The following ANK2 variants were observed in gnomAD, a reference collection of about 807,000 sequenced individuals.
The protein encoded by ANK2 is ankyrin-2.
In ANK2, 83 loss-of-function variants were observed where a neutral mutation model predicts 360.5. That is an observed-to-expected ratio of 0.23 (90% CI 0.19 to 0.28). ANK2 has a LOEUF of 0.28. ANK2 is among the 10% of genes least tolerant of loss of function. ANK2 has a pLI of 1.00. For missense variants in ANK2, 4,201 were observed against 4,795.7 expected (o/e 0.88, Z 3.66); for synonymous variants, 1,740 against 1,759.5 (o/e 0.99, Z 0.28).
intron 1 of ANK2, among the ~76,000 whole-genome samples, chr4:113,142,102 C>T (rs548379279): frequency 1.3e-5 from 2 of 152,280 alleles, no homozygotes; most frequent in African/African-American, 4.8e-5. Context: ...ACAGTGGTGA[C>T]ATTGTTCTGC....
chr4:113,058,376 T>C (rs1221757941), intron 1 of ANK2, among the ~76,000 whole-genome samples: 1 of 152,154 alleles, frequency 6.6e-6, no homozygotes, highest in South Asian at 2.1e-4. Context: ...TGTAATAATA[T>C]AATGGTTACT....
intron 11 of ANK2, among the ~76,000 whole-genome samples, chr4:113,256,259 T>A (rs183515329): frequency 6.6e-6 from 1 of 152,282 alleles, no homozygotes; most frequent in Admixed American, 6.5e-5. Context: ...CAAAATAAAT[T>A]CTAGATACCT....
At position 113,237,616 on chromosome 4, in the gene ANK2, A is replaced by G. The variant is rs1424943376; in HGVS notation, c.687A>G (p.Thr229=). The change falls in exon 7 of 46, where the codon ACA becomes ACG. Residue 229 remains threonine, a synonymous_variant. Transcript: ENST00000357077. ...DVQSKMMVNR[T]TESGFTPLHI... ...TGCTTCAGATGATGGTGAATAGGAC[A>G]ACTGAGGTACAGTATTGTGGTTATA... 6.2e-7 allele frequency: 1 copy of G among 1,609,648 alleles called. No individual in the cohort carries two copies. The highest frequency in any genetic ancestry group is 2.2e-5 in the East Asian group (1 of 44,810).
chr4:113,143,608 C>T (rs2096723206), intron 1 of ANK2, among the ~76,000 whole-genome samples: 1 of 152,108 alleles, frequency 6.6e-6, no homozygotes, highest in African/African-American at 2.4e-5. Context: ...GAGTGCATCT[C>T]TTTCAATAGC....
At chr4:112,753,113 A>G in the ANK2 span, among the ~76,000 whole-genome samples, 1 of 152,206 alleles carries the variant, frequency 6.6e-6, no homozygotes, top group African/African-American at 2.4e-5. Context: ...CTCGAGCCTC[A>G]GGCCATTTCC....
chr4:112,883,562 G>A (rs569239177), intron 1 of ANK2, among the ~76,000 whole-genome samples: 50 of 152,142 alleles, frequency 3.3e-4, no homozygotes, highest in Admixed American at 1.6e-3. Context: ...AAACTGTAAC[G>A]AGATTAGAAA....
At chr4:112,817,422 A>G (rs2149487479), upstream of ANK2, among the ~76,000 whole-genome samples, 1 of 152,250 alleles carries the variant, frequency 6.6e-6, no homozygotes, top group African/African-American at 2.4e-5. Context: ...GCCTGAATGG[A>G]TGGTTCTGAC....
chr4:112,946,468 G>A (rs1363081028), intron 2 of ANK2, among the ~76,000 whole-genome samples: 1 of 152,154 alleles, frequency 6.6e-6, no homozygotes, highest in Non-Finnish European at 1.5e-5. Context: ...GACAGCTAAC[G>A]GATCTTTAAA....
At chr4:113,143,581 C>A (rs2096721961) in intron 1 of ANK2, among the ~76,000 whole-genome samples, 1 of 152,054 alleles carries the variant, frequency 6.6e-6, no homozygotes, top group African/African-American at 2.4e-5. Context: ...ACACTAATTC[C>A]AAAAGTGTGC....
intron 1 of ANK2, among the ~76,000 whole-genome samples, chr4:113,092,193 C>G (rs2088636558): frequency 6.6e-6 from 1 of 151,992 alleles, no homozygotes; most frequent in South Asian, 2.1e-4. Context: ...TACGGTGAGA[C>G]TATTTGGATT....
intron 4 of ANK2, among the ~76,000 whole-genome samples, chr4:113,222,741 C>T (rs1047522536): frequency 1.3e-5 from 2 of 152,112 alleles, no homozygotes; most frequent in African/African-American, 4.8e-5. Context: ...AACTTAACCT[C>T]CCCAGAAAGA....
intron 4 of ANK2, among the ~76,000 whole-genome samples, chr4:113,203,436 CAAA>C (rs35032155): frequency 2.7e-5 from 4 of 145,994 alleles, no homozygotes; most frequent in Non-Finnish European, 4.5e-5. Context: ...TCTCTGATTG[CAAA>C]AAAAAAAAAA....
At chr4:113,239,333 G>A (rs1228185508) in intron 7 of ANK2, among the ~76,000 whole-genome samples, 1 of 152,012 alleles carries the variant, frequency 6.6e-6, no homozygotes, top group East Asian at 1.9e-4. Context: ...CTTATTTAGG[G>A]TGTTTTTAAA....
At chr4:112,969,558 G>A (rs769981663) in intron 2 of ANK2, among the ~76,000 whole-genome samples, 6 of 152,186 alleles carry the variant, frequency 3.9e-5, no homozygotes, top group Admixed American at 1.3e-4. Context: ...AGTGAAAAGG[G>A]GGAAGAGGTG....
At chr4:112,928,179 A>G (rs766046035) in intron 2 of ANK2, among the ~76,000 whole-genome samples, 11 of 152,214 alleles carry the variant, frequency 7.2e-5, no homozygotes, top group Non-Finnish European at 1.0e-4. Context: ...CAGAGAAAAT[A>G]ATACTACACT....
At chr4:112,920,754 GTTCTA>G (rs1222484806) in intron 2 of ANK2, among the ~76,000 whole-genome samples, 2 of 152,060 alleles carry the variant, frequency 1.3e-5, no homozygotes, top group Admixed American at 6.6e-5. Flanking sequence ...AGGATGCTCT[GTTCTA>G]TTCTCATTTA....
At chr4:113,231,552 CAT>C (rs2099306059) in intron 4 of ANK2, among the ~76,000 whole-genome samples, 1 of 151,570 alleles carries the variant, frequency 6.6e-6, no homozygotes, top group African/African-American at 2.4e-5. Flanking sequence ...GTGATAATTC[CAT>C]ATGTTATGAA....
chr4:112,783,554 T>C, the ANK2 span, among the ~76,000 whole-genome samples: 1 of 152,180 alleles, frequency 6.6e-6, no homozygotes, highest in African/African-American at 2.4e-5. Context: ...CATTTCTTGA[T>C]AGCATACTAT....
chr4:113,177,152 T>C (rs2098242398), intron 2 of ANK2, among the ~76,000 whole-genome samples: 1 of 152,184 alleles, frequency 6.6e-6, no homozygotes, highest in South Asian at 2.1e-4. Flanking sequence ...TGATCTCGGC[T>C]CACTGCAGGC....
Sources: gnomAD v4.1 joint callset for allele counts (sites outside exome capture counted in the v4.1 genomes callset) on GRCh38, gnomAD v4.1.1 for gene constraint, MANE v1.5 for transcripts, NCBI Gene and HGNC (gene_info 2026-07-23, HGNC 2026-07-21) for gene names.